The following ZDBF2 variants were observed in gnomAD, a reference collection of about 807,000 sequenced individuals.
ZDBF2 encodes DBF4-type zinc finger-containing protein 2.
ZDBF2 carries 6 observed loss-of-function variants against 9.4 expected under a neutral mutation model. The observed-to-expected ratio is 0.64, with a 90% CI of 0.35 to 1.27. ZDBF2 has a LOEUF of 1.27. Ranked by LOEUF, ZDBF2 falls within the 50% of genes most tolerant of loss-of-function variation. The pLI is 0.03. For synonymous variants in ZDBF2, 905 were observed against 946.3 expected (o/e 0.96, Z 0.80); for missense variants, 2,697 against 2,766.8 (o/e 0.97, Z 0.57).
intron 2 of ZDBF2, among the ~76,000 whole-genome samples, chr2:206,281,465 A>C (rs908041381): frequency 2.6e-5 from 4 of 152,224 alleles, no homozygotes; most frequent in African/African-American, 9.6e-5. Flanking sequence ...AGTATAGTAA[A>C]TATACCATAA....
Position 206,294,481 on chromosome 2 carries a change from A to G in ZDBF2, c.61-2765A>G, listed in dbSNP as rs185824015. 3.9e-3 allele frequency among the ~76,000 whole-genome samples: 593 copies of G among 152,208 alleles called. 6 individuals are homozygous for G. The highest frequency in any genetic ancestry group is 0.035 in the South Asian group (169 of 4,814). On this transcript the variant is annotated intron_variant, in intron 3 of 4. Coordinates refer to ENST00000374423, the MANE Select transcript of ZDBF2 (RefSeq NM_020923.3). Reference sequence around the variant, plus strand: ...AGGACAAGGTTGGATTTTAGTATTTATTTTTGTAATTTCAGCTTTTATTTT... The same window carrying G: ...AGGACAAGGTTGGATTTTAGTATTTGTTTTTGTAATTTCAGCTTTTATTTT...
chr2:206,302,080 C>G (rs1280153422), intron 4 of ZDBF2, among the ~76,000 whole-genome samples: 1 of 151,794 alleles, frequency 6.6e-6, no homozygotes, highest in African/African-American at 2.4e-5. Flanking sequence ...GTGATTATAG[C>G]TCACTGTAGT....
intron 3 of ZDBF2, among the ~76,000 whole-genome samples, chr2:206,295,289 A>T (rs1334152782): frequency 6.6e-6 from 1 of 152,106 alleles, no homozygotes; most frequent in South Asian, 2.1e-4. Flanking sequence ...GTTAGATTCA[A>T]ATCCTGGCCT....
Position 206,309,072 on chromosome 2 carries a change from G to A in ZDBF2, c.4544G>A (p.Gly1515Glu), listed in dbSNP as rs1574422582. ...CAAATAGTAGTTAACCAATTTCCAG[G>A]ATCAGTCAAAGAAACCCACCTTCCA... is the stretch of plus-strand genomic sequence containing the variant. Reference protein sequence around the residue: ...PFQIVVNQFPGSVKETHLPKV... With the variant: ...PFQIVVNQFPESVKETHLPKV... Residue 1515 changes from glycine (G) to glutamate (E), a missense_variant, in exon 5 of 5, where the codon GGA (glycine) becomes GAA (glutamate). Transcript: ENST00000374423. The A allele has an allele frequency of 6.2e-7, 1 of 1,613,818 alleles. No homozygotes were observed. Among genetic ancestry groups the A allele is most frequent in the East Asian group, 2.2e-5 (1 of 44,874 alleles).
In ZDBF2 at chr2:206,281,812, A is replaced by G. The variant is rs1691333488; in HGVS notation, c.-38A>G. 3.7e-6 allele frequency: 6 copies of G among 1,600,306 alleles called. No homozygotes were observed. The highest frequency in any genetic ancestry group is 5.1e-6 in the Non-Finnish European group (6 of 1,171,220). On this transcript the variant is annotated 5_prime_UTR_variant, in exon 3 of 5. Coordinates refer to ENST00000374423, the MANE Select transcript of ZDBF2 (RefSeq NM_020923.3). ...TTTTTGTTTTTCAGCTTGAGTATTCAAAGACAGTAGCCATCTGACTTCAGT... is the reference window on the plus strand; with the variant it reads ...TTTTTGTTTTTCAGCTTGAGTATTCGAAGACAGTAGCCATCTGACTTCAGT...
rs771714828 is a variant in ZDBF2 at position 206,307,635 on chromosome 2, G to A, written c.3107G>A (p.Cys1036Tyr). The part of the protein sequence containing the change: ...QYVLENKNDK[C>Y]SGSEIILDSN... ...GTTCTAGAAAACAAGAATGATAAAT[G>A]TAGTGGTTCTGAAATAATTTTGGAT... is the stretch of plus-strand genomic sequence containing the variant. Residue 1036 changes from cysteine (C) to tyrosine (Y), a missense_variant, in exon 5 of 5, where the codon TGT becomes TAT. This residue lies in a region of ZDBF2 where 1,783 missense variants were observed against 1,776.5 expected (regional missense o/e 1.00). Coordinates refer to ENST00000374423, the MANE Select transcript of ZDBF2 (RefSeq NM_020923.3). 7.4e-6 allele frequency: 12 copies of A among 1,612,234 alleles called. No individual in the cohort carries two copies. The highest frequency in any genetic ancestry group is 1.7e-5 in the Admixed American group (1 of 59,730).
chr2:206,286,239 A>G (rs1156380320), intron 3 of ZDBF2, among the ~76,000 whole-genome samples: 1 of 152,146 alleles, frequency 6.6e-6, no homozygotes, highest in Non-Finnish European at 1.5e-5. Context: ...TGCAGTTTAA[A>G]TCAAGTGTTT....
chr2:206,311,565 A>G lies in ZDBF2; in HGVS notation c.7037A>G (p.Asn2346Ser). The G allele has an allele frequency of 6.6e-7, 1 of 1,521,288 alleles. No homozygotes were observed. The highest frequency in any genetic ancestry group is 8.8e-7 in the Non-Finnish European group (1 of 1,136,550). 94.2% of individuals were successfully genotyped at this position (1,521,288 alleles called of 1,614,324 possible). The part of the protein sequence containing the change: ...QRERMMTRLA[N>S]KLRGNEVK ...GAGAGAATGATGACTCGGCTAGCAA[A>G]CAAACTGAGAGGTAATGAGGTAAAA... The change falls in exon 5 of 5, where the codon AAC becomes AGC. Residue 2346 changes from asparagine to serine, a missense_variant. By Grantham distance (46) the Asn-to-Ser change is conservative. This residue lies in a region of ZDBF2 where 1,783 missense variants were observed against 1,776.5 expected (regional missense o/e 1.00). Coordinates refer to ENST00000374423, the MANE Select transcript of ZDBF2 (RefSeq NM_020923.3).
intron 2 of ZDBF2, among the ~76,000 whole-genome samples, chr2:206,281,329 C>T (rs1415678545): frequency 6.6e-6 from 1 of 152,164 alleles, no homozygotes; most frequent in Non-Finnish European, 1.5e-5. Flanking sequence ...AAACCTGCCT[C>T]TCTATGAGCT....
At chr2:206,276,994 G>A (rs1016056450) in intron 1 of ZDBF2, among the ~76,000 whole-genome samples, 1 of 152,128 alleles carries the variant, frequency 6.6e-6, no homozygotes. Flanking sequence ...TTCGGCCATT[G>A]TTTTGTCATT....
At chr2:206,303,933 A>G (rs1176042321) in intron 4 of ZDBF2, among the ~76,000 whole-genome samples, 2 of 152,188 alleles carry the variant, frequency 1.3e-5, no homozygotes, top group African/African-American at 4.8e-5. Context: ...ACCATTAATT[A>G]TTTAACCAGT....
chr2:206,275,369 T>TC (rs1270394447), intron 1 of ZDBF2, among the ~76,000 whole-genome samples: 1 of 152,084 alleles, frequency 6.6e-6, no homozygotes, highest in Non-Finnish European at 1.5e-5. Flanking sequence ...CACACCCCCT[T>TC]CCCCCAGTGC....
Position 206,307,317 on chromosome 2 carries a change from G to C in ZDBF2, c.2789G>C (p.Arg930Pro). ...ATCATTTTTCATTCAGTGACTGGAC[G>C]TTCTGAAGATCCCATTAAAGAAATA... is the stretch of plus-strand genomic sequence containing the variant. ...YNIIFHSVTGRSEDPIKEISL... is the reference protein window; with the variant it reads ...YNIIFHSVTGPSEDPIKEISL... Residue 930 changes from arginine to proline, a missense_variant, in exon 5 of 5, where the codon CGT (arginine) becomes CCT (proline). Around this residue, in one of 3 missense-constraint regions of ZDBF2, gnomAD observed 1,783 missense variants for 1,776.5 expected, o/e 1.00. Coordinates refer to ENST00000374423, the MANE Select transcript of ZDBF2 (RefSeq NM_020923.3). The C allele has an allele frequency of 6.2e-7, 1 of 1,611,966 alleles. No homozygotes were observed. The highest frequency in any genetic ancestry group is 8.5e-7 in the Non-Finnish European group (1 of 1,179,342).
intron 3 of ZDBF2, among the ~76,000 whole-genome samples, chr2:206,284,306 A>G (rs1691487596): frequency 6.6e-6 from 1 of 152,018 alleles, no homozygotes; most frequent in South Asian, 2.1e-4. Flanking sequence ...TGATTTGTTT[A>G]CTTTTATTAT....
rs140337696 is a variant in ZDBF2 at position 206,309,718 on chromosome 2, G to A, written c.5190G>A (p.Ser1730=). Residue 1730 remains serine, a synonymous_variant, in exon 5 of 5, where the codon TCG becomes TCA. Coordinates refer to ENST00000374423, the MANE Select transcript of ZDBF2 (RefSeq NM_020923.3). ...GAAGGGCTGATAAAAAAAAACGTTCGAAGCTAAAACATAGAGATCTAGAAG... is the reference window on the plus strand; with the variant it reads ...GAAGGGCTGATAAAAAAAAACGTTCAAAGCTAAAACATAGAGATCTAGAAG... ...LHRRADKKKR[S]KLKHRDLEVS... 8.9e-5 allele frequency: 144 copies of A among 1,613,824 alleles called. No homozygotes were observed. The African/African-American group carries it at 1.3e-3, about 14-fold the overall frequency.
chr2:206,285,650 T>G lies in ZDBF2; in HGVS notation c.60+3741T>G, dbSNP rs181400118. Reference sequence around the variant, plus strand: ...CCTTTGCTGTGCAAAAGCTTCAGTTTGATATTATCCAGTTTGTCTATTTTT... The same window carrying G: ...CCTTTGCTGTGCAAAAGCTTCAGTTGGATATTATCCAGTTTGTCTATTTTT... On this transcript the variant is annotated intron_variant, in intron 3 of 4. Transcript: ENST00000374423. Among the ~76,000 whole-genome samples the G allele has an allele frequency of 1.3e-4, 20 of 152,330 alleles. No homozygotes were observed. In the East Asian group the frequency reaches 3.7e-3, roughly 28 times the overall value.
In ZDBF2 at chr2:206,308,867, T is replaced by C; in HGVS notation, c.4339T>C (p.Cys1447Arg). ...KDHNDLENKNCEVCGSEIKCH... is the reference protein window; with the variant it reads ...KDHNDLENKNREVCGSEIKCH... ...TCATAATGATCTAGAAAATAAGAAC[T>C]GTGAAGTCTGTGGTTCTGAAATAAA... The change falls in exon 5 of 5, where the codon TGT (cysteine) becomes CGT (arginine). Residue 1447 changes from cysteine (C) to arginine (R), a missense_variant. Coordinates refer to ENST00000374423, the MANE Select transcript of ZDBF2 (RefSeq NM_020923.3). The C allele has an allele frequency of 6.2e-7, 1 of 1,613,106 alleles. No homozygotes were observed. The highest frequency in any genetic ancestry group is 8.5e-7 in the Non-Finnish European group (1 of 1,179,590).
At chr2:206,300,210 T>C (rs1046189888) in intron 4 of ZDBF2, among the ~76,000 whole-genome samples, 45 of 152,306 alleles carry the variant, frequency 3.0e-4, no homozygotes, top group Admixed American at 2.5e-3. Flanking sequence ...AGAAATTACA[T>C]TGATACCATA....
chr2:206,283,581 G>A (rs998000992), intron 3 of ZDBF2, among the ~76,000 whole-genome samples: 1 of 152,050 alleles, frequency 6.6e-6, no homozygotes, highest in Non-Finnish European at 1.5e-5. Flanking sequence ...TTGAGTTGTA[G>A]AAGTCTTTAT....
Sources: allele counts gnomAD v4.1 joint callset (sites outside exome capture counted in the v4.1 genomes callset), GRCh38; gene constraint gnomAD v4.1.1; regional missense constraint gnomAD v4.1.1; transcripts MANE v1.5; gene names NCBI Gene and HGNC (gene_info 2026-07-23, HGNC 2026-07-21).